PACSIN2: variants seen among roughly 807,000 people sequenced by gnomAD.
PACSIN2 encodes protein kinase C and casein kinase substrate in neurons protein 2.
In PACSIN2, 25 loss-of-function variants were observed where a neutral mutation model predicts 63.8. The ratio of observed to expected loss-of-function variants is 0.39; its 90% CI spans 0.29 to 0.55. The LOEUF (loss-of-function observed/expected upper bound fraction) is 0.55. PACSIN2 is among the 20% of genes least tolerant of loss of function. PACSIN2 has a pLI of 0.62. For missense variants in PACSIN2, 518 were observed against 646.9 expected (o/e 0.80, Z 2.16); for synonymous variants, 255 against 256.2 (o/e 1.00, Z 0.05).
At chr22:42,897,409 T>C (rs1930367863) in intron 2 of PACSIN2, among the ~76,000 whole-genome samples, 1 of 152,232 alleles carries the variant, frequency 6.6e-6, no homozygotes, top group South Asian at 2.1e-4. Flanking sequence ...ACCTCTCTTC[T>C]ACTTCTTCAA....
At chr22:42,922,376 C>T (rs1012829670) in intron 1 of PACSIN2, among the ~76,000 whole-genome samples, 16 of 151,796 alleles carry the variant, frequency 1.1e-4, no homozygotes, top group African/African-American at 3.9e-4. Flanking sequence ...ATTTTTTAGG[C>T]CAAAAGGCTA....
chr22:43,008,577 G>C (rs59916967), intron 1 of PACSIN2, among the ~76,000 whole-genome samples: 2,366 of 152,268 alleles, frequency 0.016, 45 homozygotes, highest in African/African-American at 0.053. Flanking sequence ...ACATATATGA[G>C]CTCTTTATAT....
chr22:42,942,291 T>A (rs1933206067), intron 1 of PACSIN2, among the ~76,000 whole-genome samples: 1 of 152,078 alleles, frequency 6.6e-6, no homozygotes, highest in African/African-American at 2.4e-5. Context: ...GATTTGAAAC[T>A]ATTTTCTTCC....
chr22:42,905,989 G>C (rs1320090986), intron 2 of PACSIN2, among the ~76,000 whole-genome samples: 1 of 152,258 alleles, frequency 6.6e-6, no homozygotes, highest in African/African-American at 2.4e-5. Context: ...CCCATGTGCT[G>C]TGCATGGCAC....
intron 1 of PACSIN2, among the ~76,000 whole-genome samples, chr22:42,952,854 CG>C (rs1933760939): frequency 6.6e-6 from 1 of 151,874 alleles, no homozygotes; most frequent in Non-Finnish European, 1.5e-5. Flanking sequence ...TTAGTAGAGA[CG>C]GGGTTTCTCC....
At chr22:42,949,548 C>G (rs979627399) in intron 1 of PACSIN2, among the ~76,000 whole-genome samples, 2 of 152,138 alleles carry the variant, frequency 1.3e-5, no homozygotes, top group African/African-American at 4.8e-5. Context: ...AAATTAATGA[C>G]AATTCTTATT....
intron 1 of PACSIN2, among the ~76,000 whole-genome samples, chr22:42,990,850 T>C (rs984698577): frequency 1.3e-5 from 2 of 152,110 alleles, no homozygotes; most frequent in Non-Finnish European, 2.9e-5. Flanking sequence ...CAAGAGCTAA[T>C]GAAAAATGCT....
chr22:42,987,277 C>G (rs1230572577), intron 1 of PACSIN2, among the ~76,000 whole-genome samples: 1 of 151,972 alleles, frequency 6.6e-6, no homozygotes, highest in Non-Finnish European at 1.5e-5. Flanking sequence ...CCTTGGGTAC[C>G]CCAACACTGA....
At chr22:42,964,839 C>G (rs924024138) in intron 1 of PACSIN2, among the ~76,000 whole-genome samples, 3 of 151,760 alleles carry the variant, frequency 2.0e-5, no homozygotes, top group African/African-American at 7.3e-5. Flanking sequence ...CTGGCCCAAG[C>G]CAGGGGTAAC....
At chr22:42,998,520 C>G (rs1306007992) in intron 1 of PACSIN2, among the ~76,000 whole-genome samples, 2 of 152,200 alleles carry the variant, frequency 1.3e-5, no homozygotes, top group Non-Finnish European at 2.9e-5. Flanking sequence ...AATAAGGTTG[C>G]TAGATCCCTA....
chr22:42,878,970 G>A (rs1928859668), intron 8 of PACSIN2, 78 bp downstream of exon 8: 14 of 1,463,036 alleles, frequency 9.6e-6, no homozygotes, highest in Non-Finnish European at 1.2e-5. Flanking sequence ...CCAGGCCGGG[G>A]CTGCCCTGGA....
In PACSIN2 at chr22:42,954,166, G is replaced by A. The variant is rs540745525; in HGVS notation, c.-77-42009C>T. ...TAGTCCCAGCTACTTGGGAGGCTGA[G>A]GCAAGAGAATCACTTGAACCTGGGA... On this transcript the variant is annotated intron_variant, in intron 1 of 10. Coordinates refer to ENST00000263246, the MANE Select transcript of PACSIN2 (RefSeq NM_001184970.3). Among the ~76,000 whole-genome samples the A allele has an allele frequency of 4.6e-5, 7 of 152,320 alleles. 1 individual carries two copies. The South Asian group carries it at 1.5e-3, about 32-fold the overall frequency.
intron 1 of PACSIN2, among the ~76,000 whole-genome samples, chr22:42,960,563 A>G (rs554125546): frequency 3.3e-5 from 5 of 152,376 alleles, no homozygotes; most frequent in African/African-American, 1.2e-4. Context: ...AAAGTGAAGA[A>G]AAAAACAATA....
chr22:42,966,302 G>A (rs1052849913), intron 1 of PACSIN2, among the ~76,000 whole-genome samples: 21 of 152,028 alleles, frequency 1.4e-4, no homozygotes, highest in Admixed American at 2.6e-4. Context: ...CCTGGGAGGC[G>A]GAGGTTGCAA....
At chr22:42,886,582 C>T (rs879651231) in intron 5 of PACSIN2, among the ~76,000 whole-genome samples, 3 of 152,172 alleles carry the variant, frequency 2.0e-5, no homozygotes, top group Non-Finnish European at 4.4e-5. Context: ...CCTCCCGCCT[C>T]AGCCTCCAAA....
chr22:42,966,691 A>C (rs1920961349), intron 1 of PACSIN2, among the ~76,000 whole-genome samples: 1 of 152,184 alleles, frequency 6.6e-6, no homozygotes, highest in African/African-American at 2.4e-5. Flanking sequence ...GAATCCCCAA[A>C]TGCCACAGAA....
chr22:42,974,560 C>T (rs1921549339), intron 1 of PACSIN2, among the ~76,000 whole-genome samples: 1 of 152,022 alleles, frequency 6.6e-6, no homozygotes, highest in South Asian at 2.1e-4. Flanking sequence ...CCAGCCATGG[C>T]CAACATGGTG....
intron 2 of PACSIN2, among the ~76,000 whole-genome samples, chr22:42,895,179 C>T (rs1040692787): frequency 6.6e-6 from 1 of 152,224 alleles, no homozygotes; most frequent in African/African-American, 2.4e-5. Flanking sequence ...AGCATCCACT[C>T]CAAACTAGAG....
At chr22:43,007,851 C>CCTCTGA (rs1157452382) in intron 1 of PACSIN2, among the ~76,000 whole-genome samples, 1 of 152,240 alleles carries the variant, frequency 6.6e-6, no homozygotes. Context: ...AGGACCACTA[C>CCTCTGA]CTCTGACTCA....
Sources: allele counts gnomAD v4.1 joint callset (sites outside exome capture counted in the v4.1 genomes callset), GRCh38; gene constraint gnomAD v4.1.1; transcripts MANE v1.5; gene names NCBI Gene and HGNC (gene_info 2026-07-23, HGNC 2026-07-21).